Variants in ZFYVE28 observed in about 807,000 individuals in gnomAD.
ZFYVE28 encodes zinc finger FYVE-type containing 28.
Under a neutral mutation model 82.1 loss-of-function variants are expected in ZFYVE28, and 40 were observed. That is an observed-to-expected ratio of 0.49 (90% CI 0.38 to 0.63). The LOEUF is 0.63. Among genes scored for constraint, ZFYVE28 ranks in the 30% least tolerant of loss-of-function variants. The pLI is 0.00. For missense variants in ZFYVE28, 1,321 were observed against 1,242.1 expected (o/e 1.06, Z -0.96); for synonymous variants, 612 against 546.1 (o/e 1.12, Z -1.68).
At chr4:2,272,884 CCATGGGCCCTG>C (rs1039151324) in intron 10 of ZFYVE28, among the ~76,000 whole-genome samples, 9 of 152,234 alleles carry the variant, frequency 5.9e-5, no homozygotes, top group African/African-American at 2.2e-4. Context: ...TGGGCACAAG[CCATGGGCCCTG>C]GCCCATCTGC....
intron 6 of ZFYVE28, among the ~76,000 whole-genome samples, chr4:2,334,756 CCTTCCCCCTCCCCACTTCCG>C (rs1721334210): frequency 7.9e-5 from 3 of 38,012 alleles, no homozygotes; most frequent in African/African-American, 3.2e-4. Context: ...TTCCCCCTCC[CCTTCCCCCTCCCCACTTCCG>C]CCTCCCCTCT....
chr4:2,302,620 C>G (rs1199743677), intron 8 of ZFYVE28, among the ~76,000 whole-genome samples: 1 of 152,270 alleles, frequency 6.6e-6, no homozygotes, highest in East Asian at 1.9e-4. Context: ...CAATTCCGCT[C>G]ACAGGGATCC....
intron 1 of ZFYVE28, among the ~76,000 whole-genome samples, chr4:2,405,379 A>G (rs7655530): frequency 0.2 from 29,824 of 152,256 alleles, 3,079 homozygotes; most frequent in East Asian, 0.34. Context: ...ATTGGACCAA[A>G]TTTGAGAAGA....
At chr4:2,312,232 T>C (rs1233205617) in intron 7 of ZFYVE28, among the ~76,000 whole-genome samples, 1 of 152,198 alleles carries the variant, frequency 6.6e-6, no homozygotes, top group Non-Finnish European at 1.5e-5. Context: ...CATATCTCTA[T>C]TATCATGTAG....
At chr4:2,279,178 TCCCAGC>T (rs1391913497) in intron 8 of ZFYVE28, among the ~76,000 whole-genome samples, 2 of 152,216 alleles carry the variant, frequency 1.3e-5, no homozygotes, top group Non-Finnish European at 2.9e-5. Context: ...CATATTGTCA[TCCCAGC>T]CCTGTGGGAG....
At chr4:2,364,668 C>T (rs1726625001) in intron 1 of ZFYVE28, 5 of 985,402 alleles carry the variant, frequency 5.1e-6, no homozygotes, top group Admixed American at 6.1e-5. Flanking sequence ...AGAGAACCCG[C>T]TTAGCCTGGA....
intron 8 of ZFYVE28, among the ~76,000 whole-genome samples, chr4:2,282,822 T>G (rs1461127877): frequency 1.3e-5 from 2 of 152,192 alleles, no homozygotes; most frequent in Non-Finnish European, 2.9e-5. Flanking sequence ...AAACAGCCTG[T>G]AGTCCCAGCT....
chr4:2,308,730 G>T (rs1717072704), intron 7 of ZFYVE28, among the ~76,000 whole-genome samples: 1 of 149,448 alleles, frequency 6.7e-6, no homozygotes, highest in African/African-American at 2.5e-5. Context: ...AAAGAAAAAA[G>T]AAAAGAAAGG....
At chr4:2,325,810 C>G (rs979482614) in intron 6 of ZFYVE28, among the ~76,000 whole-genome samples, 1 of 152,042 alleles carries the variant, frequency 6.6e-6, no homozygotes, top group African/African-American at 2.4e-5. Flanking sequence ...TTAAGCTGGA[C>G]TCAAACTCCT....
rs965922846 is a variant in ZFYVE28, at chr4:2,320,716, G to T, written c.702-445C>A. 6.6e-6 allele frequency among the ~76,000 whole-genome samples: 1 copy of T among 152,184 alleles called. No individual in the cohort carries two copies. Among genetic ancestry groups the T allele is most frequent in the Non-Finnish European group, 1.5e-5 (1 of 68,028 alleles). On this transcript the variant is annotated intron_variant, in intron 6 of 12. Transcript: ENST00000290974. The surrounding 1 kb of genome is among the most constrained non-coding windows in gnomAD (Gnocchi z 5.1). ...AAAGCAAAACCAGCTGGAGGTGCGAGCTGAGGCCCGCACGGGTTCCCTTCC... is the reference window on the plus strand; with the variant it reads ...AAAGCAAAACCAGCTGGAGGTGCGATCTGAGGCCCGCACGGGTTCCCTTCC...
chr4:2,281,526 G>A (rs1183246528), intron 8 of ZFYVE28, among the ~76,000 whole-genome samples: 1 of 152,186 alleles, frequency 6.6e-6, no homozygotes, highest in African/African-American at 2.4e-5. Context: ...GAGAGGGGAA[G>A]GGGGCCATGC....
rs2071684 is a variant in ZFYVE28, at chr4:2,335,098, G to A, written c.701+607C>T. Reference sequence around the variant, plus strand: ...CTGAGCTTCCATGTGCTGTGTTCACGTCCTTGAGCCCCACAGGACCCTACA... The same window carrying A: ...CTGAGCTTCCATGTGCTGTGTTCACATCCTTGAGCCCCACAGGACCCTACA... On this transcript the variant is annotated intron_variant, in intron 6 of 12. Transcript: ENST00000290974. This position sits in a 1 kb window ranked among gnomAD's most constrained non-coding sequence, Gnocchi z 5.8. 0.13 allele frequency among the ~76,000 whole-genome samples: 19,600 copies of A among 150,938 alleles called. 2,046 individuals carry two copies. The highest frequency in any genetic ancestry group is 0.46 in the East Asian group (2,331 of 5,016).
chr4:2,392,554 G>C (rs1729954919), intron 1 of ZFYVE28, among the ~76,000 whole-genome samples: 1 of 152,172 alleles, frequency 6.6e-6, no homozygotes, highest in Admixed American at 6.5e-5. Context: ...AGCAGGTCCG[G>C]ATAGATTCAT....
intron 8 of ZFYVE28, chr4:2,286,022 A>G (rs1712678805): frequency 6.6e-6 from 1 of 152,420 alleles, no homozygotes; most frequent in Non-Finnish European, 1.5e-5. Flanking sequence ...CTCTGGGCCC[A>G]GTCACTGCTC....
intron 1 of ZFYVE28, among the ~76,000 whole-genome samples, chr4:2,384,150 G>A (rs1248707855): frequency 6.6e-6 from 1 of 152,194 alleles, no homozygotes; most frequent in Non-Finnish European, 1.5e-5. Flanking sequence ...ACAGGGAAGA[G>A]GCCCCCGGGA....
At chr4:2,385,868 C>T (rs1041850343) in intron 1 of ZFYVE28, among the ~76,000 whole-genome samples, 5 of 152,190 alleles carry the variant, frequency 3.3e-5, no homozygotes, top group Admixed American at 6.5e-5. Context: ...TCTGGTTCTC[C>T]GGGAAGTTAA....
intron 1 of ZFYVE28, among the ~76,000 whole-genome samples, chr4:2,402,340 G>A (rs1013785936): frequency 3.9e-5 from 6 of 152,106 alleles, no homozygotes; most frequent in Admixed American, 1.3e-4. Flanking sequence ...CACCGCCCCC[G>A]CCATCAGACA....
At chr4:2,380,924 C>T (rs1728668417) in intron 1 of ZFYVE28, among the ~76,000 whole-genome samples, 1 of 152,090 alleles carries the variant, frequency 6.6e-6, no homozygotes, top group African/African-American at 2.4e-5. Flanking sequence ...TGGACTAATA[C>T]AGTAAATTGG....
At chr4:2,279,921 G>T (rs1232127137) in intron 8 of ZFYVE28, among the ~76,000 whole-genome samples, 1 of 152,234 alleles carries the variant, frequency 6.6e-6, no homozygotes, top group African/African-American at 2.4e-5. Flanking sequence ...TGCTGATGGG[G>T]AGGGTTTTTC....
Sources: allele counts gnomAD v4.1 joint callset (sites outside exome capture counted in the v4.1 genomes callset), GRCh38; gene constraint gnomAD v4.1.1; non-coding constraint Gnocchi (gnomAD v3.1); transcripts MANE v1.5; gene names NCBI Gene and HGNC (gene_info 2026-07-23, HGNC 2026-07-21).